KCNK10: variants seen among roughly 807,000 people sequenced by gnomAD.
KCNK10 encodes the protein potassium channel subfamily K member 10.
KCNK10 carries 25 observed loss-of-function variants against 47.7 expected under a neutral mutation model. That is an observed-to-expected ratio of 0.52 (90% CI 0.38 to 0.73). KCNK10 has a LOEUF of 0.73. Ranked by LOEUF, KCNK10 falls within the 30% of genes least tolerant of loss-of-function variation. The pLI, the probability that KCNK10 is intolerant of heterozygous loss-of-function variation, is 0.00. For synonymous variants in KCNK10, 303 were observed against 285.6 expected (o/e 1.06, Z -0.61); for missense variants, 563 against 714.5 (o/e 0.79, Z 2.42).
At chr14:88,278,339 C>G (rs1344786694) in intron 1 of KCNK10, among the ~76,000 whole-genome samples, 1 of 152,196 alleles carries the variant, frequency 6.6e-6, no homozygotes, top group East Asian at 1.9e-4. Flanking sequence ...AGAATCAAAT[C>G]TATTACCAAA....
intron 3 of KCNK10, 140 bp downstream of exon 3, chr14:88,240,563 G>A: frequency 1.6e-6 from 1 of 607,062 alleles, no homozygotes; most frequent in East Asian, 2.6e-5. Context: ...CACAATGACT[G>A]CATTAATTTA....
At chr14:88,297,211 A>G (rs1013786182) in intron 1 of KCNK10, among the ~76,000 whole-genome samples, 1 of 152,234 alleles carries the variant, frequency 6.6e-6, no homozygotes, top group Non-Finnish European at 1.5e-5. Context: ...ATGAGGTTCT[A>G]TCATTTTAAA....
chr14:88,263,480 G>A lies in KCNK10; in HGVS notation c.124C>T (p.Pro42Ser). 1 of 1,613,930 alleles carries A rather than the reference G, an allele frequency of 6.2e-7. No homozygotes were observed. The highest frequency in any genetic ancestry group is 2.2e-5 in the East Asian group (1 of 44,890). The stretch of plus-strand genomic sequence containing the variant: ...ATGGACAGGCGCGGAGTTGGAGTCG[G>A]AGCCGGAGCCGGGGGTTGCCCGTTA... ...ATNGQPPAPAPTPTPRLSISS... is the reference protein window; with the variant it reads ...ATNGQPPAPASTPTPRLSISS... Residue 42 changes from proline (P) to serine (S), a missense_variant, in exon 2 of 7, where the codon CCG becomes TCG. By Grantham distance (74) the Pro-to-Ser change is moderately conservative. Coordinates refer to ENST00000319231, the MANE Select transcript of KCNK10 (RefSeq NM_138317.3).
At chr14:88,261,112 T>C (rs1425594782) in intron 2 of KCNK10, among the ~76,000 whole-genome samples, 1 of 152,226 alleles carries the variant, frequency 6.6e-6, no homozygotes, top group Non-Finnish European at 1.5e-5. Flanking sequence ...TAAAAACATT[T>C]ATCTAATGGG....
chr14:88,282,396 T>C (rs907599778), intron 1 of KCNK10, among the ~76,000 whole-genome samples: 1 of 152,196 alleles, frequency 6.6e-6, no homozygotes, highest in African/African-American at 2.4e-5. Context: ...TTGTATTAAT[T>C]TGCAAATTTA....
chr14:88,270,277 G>A (rs185574021), intron 1 of KCNK10, among the ~76,000 whole-genome samples: 9 of 152,150 alleles, frequency 5.9e-5, no homozygotes, highest in African/African-American at 1.7e-4. Context: ...GATGAGGAGC[G>A]CAGGATTCCA....
intron 4 of KCNK10, among the ~76,000 whole-genome samples, chr14:88,219,106 C>T (rs960498548): frequency 3.3e-5 from 5 of 152,144 alleles, no homozygotes; most frequent in African/African-American, 9.7e-5. Context: ...TCCATTTTCT[C>T]AGGTGTGAAA....
intron 1 of KCNK10, among the ~76,000 whole-genome samples, chr14:88,317,897 T>C (rs1255824024): frequency 6.6e-6 from 1 of 152,204 alleles, no homozygotes; most frequent in African/African-American, 2.4e-5. Context: ...TCCTAGAGCT[T>C]TGCTTCTTTC....
intron 2 of KCNK10, among the ~76,000 whole-genome samples, chr14:88,255,581 T>C (rs551513882): frequency 6.6e-6 from 1 of 151,132 alleles, no homozygotes; most frequent in Non-Finnish European, 1.5e-5. Flanking sequence ...TATCCACCTG[T>C]AGTCCCACAG....
intron 3 of KCNK10, 92 bp from the exon 4 acceptor site, chr14:88,227,627 C>T: frequency 8.2e-7 from 1 of 1,221,188 alleles, no homozygotes; most frequent in Admixed American, 2.4e-5. Context: ...TTGTACATTC[C>T]CCCACCTTAT....
chr14:88,287,420 C>T (rs550072811), intron 1 of KCNK10, among the ~76,000 whole-genome samples: 1 of 152,222 alleles, frequency 6.6e-6, no homozygotes, highest in South Asian at 2.1e-4. Context: ...GCACCCATCA[C>T]CCGAGCAGTG....
chr14:88,248,584 A>G (rs989777525), intron 2 of KCNK10, among the ~76,000 whole-genome samples: 3 of 151,946 alleles, frequency 2.0e-5, no homozygotes, highest in Non-Finnish European at 2.9e-5. Context: ...CAAAAATTAC[A>G]CAGGTATGGT....
chr14:88,311,628 G>A (rs1383621532), intron 1 of KCNK10, among the ~76,000 whole-genome samples: 1 of 152,174 alleles, frequency 6.6e-6, no homozygotes, highest in Non-Finnish European at 1.5e-5. Context: ...CTGTAAATAA[G>A]TCTAGAGTAT....
At chr14:88,210,093 C>T (rs1306452999) in intron 4 of KCNK10, among the ~76,000 whole-genome samples, 1 of 152,216 alleles carries the variant, frequency 6.6e-6, no homozygotes, top group African/African-American at 2.4e-5. Context: ...GGCTATGTGG[C>T]AGACACTGCT....
At chr14:88,288,063 T>C (rs12323573) in intron 1 of KCNK10, among the ~76,000 whole-genome samples, 6,835 of 152,216 alleles carry the variant, frequency 0.045, 505 homozygotes, top group African/African-American at 0.16. Context: ...TATCGCTTTG[T>C]GGTTTTGATT....
Position 88,191,331 on chromosome 14 carries a change from G to C in KCNK10, c.868+893C>G, listed in dbSNP as rs1447905252. 5.9e-5 allele frequency among the ~76,000 whole-genome samples: 6 copies of C among 102,462 alleles called. No individual in the cohort carries two copies. In the East Asian group the frequency reaches 3.1e-3, roughly 52 times the overall value. The allele number at this position is 102,462 out of a possible 152,430, so 67.2% of individuals were successfully genotyped here. ...TCAGGCTGCCACTTCACCAGGAACT[G>C]GTAAAGGAAACACACACACACACAC... On this transcript the variant is annotated intron_variant, in intron 5 of 6. Transcript: ENST00000319231.
intron 2 of KCNK10, among the ~76,000 whole-genome samples, chr14:88,255,342 G>A (rs1886921307): frequency 6.6e-6 from 1 of 152,158 alleles, no homozygotes; most frequent in African/African-American, 2.4e-5. Flanking sequence ...TCTGGACTTG[G>A]ACAAGTTATT....
intron 1 of KCNK10, among the ~76,000 whole-genome samples, chr14:88,281,724 CTCCATATAT>C (rs1887653072): frequency 3.0e-5 from 3 of 101,610 alleles, no homozygotes; most frequent in African/African-American, 1.1e-4. Context: ...CTCTCTCTCT[CTCCATATAT>C]ATATATATAT....
At chr14:88,207,571 G>A (rs1394308459) in intron 4 of KCNK10, among the ~76,000 whole-genome samples, 1 of 152,100 alleles carries the variant, frequency 6.6e-6, no homozygotes. Flanking sequence ...AAGCTGGCCT[G>A]ATCCTCCAGC....
Sources: allele counts gnomAD v4.1 joint callset (sites outside exome capture counted in the v4.1 genomes callset), GRCh38; gene constraint gnomAD v4.1.1; transcripts MANE v1.5; gene names NCBI Gene and HGNC (gene_info 2026-07-23, HGNC 2026-07-21).